The following ZEB1 variants were observed in gnomAD, a reference collection of about 807,000 sequenced individuals.
ZEB1 encodes the protein zinc finger E-box binding homeobox 1.
In ZEB1, 21 loss-of-function variants were observed where a neutral mutation model predicts 84.9. The ratio of observed to expected loss-of-function variants is 0.25; its 90% CI spans 0.18 to 0.36. The LOEUF is 0.36. Ranked by LOEUF, ZEB1 falls within the 10% of genes least tolerant of loss-of-function variation. The pLI is 1.00. For synonymous variants in ZEB1, 420 were observed against 471.1 expected (o/e 0.89, Z 1.41); for missense variants, 1,104 against 1,330.2 (o/e 0.83, Z 2.65).
intron 1 of ZEB1, among the ~76,000 whole-genome samples, chr10:31,397,912 T>G (rs950894514): frequency 6.6e-6 from 1 of 152,170 alleles, no homozygotes; most frequent in African/African-American, 2.4e-5. Flanking sequence ...TGGATAGATA[T>G]TATTTTTGAA....
intron 1 of ZEB1, among the ~76,000 whole-genome samples, chr10:31,408,535 A>G (rs2135698863): frequency 6.7e-6 from 1 of 149,868 alleles, no homozygotes; most frequent in Non-Finnish European, 1.5e-5. Context: ...TGGTACTGGT[A>G]CCAAAACAGA....
intron 2 of ZEB1, among the ~76,000 whole-genome samples, chr10:31,463,853 A>C (rs1470969120): frequency 6.6e-6 from 1 of 152,202 alleles, no homozygotes; most frequent in African/African-American, 2.4e-5. Context: ...AGTACTATAG[A>C]AGTCTCCCAA....
chr10:31,338,619 TTGATC>T (rs756381384), intron 1 of ZEB1, among the ~76,000 whole-genome samples: 3 of 152,192 alleles, frequency 2.0e-5, no homozygotes, highest in African/African-American at 7.2e-5. Flanking sequence ...TTCCCTTTGT[TTGATC>T]TGAGAATGTA....
At chr10:31,508,464 G>A (rs1170057327) in intron 4 of ZEB1, among the ~76,000 whole-genome samples, 3 of 152,166 alleles carry the variant, frequency 2.0e-5, no homozygotes, top group Non-Finnish European at 4.4e-5. Flanking sequence ...AGGCCTACCG[G>A]TGGTGCATGC....
intron 2 of ZEB1, among the ~76,000 whole-genome samples, chr10:31,492,550 A>C (rs1036549972): frequency 6.6e-6 from 1 of 151,828 alleles, no homozygotes; most frequent in Admixed American, 6.6e-5. Context: ...TGTGCATGGC[A>C]TGTGTGAATG....
chr10:31,442,373 A>G (rs536284613), intron 1 of ZEB1, among the ~76,000 whole-genome samples: 3 of 152,002 alleles, frequency 2.0e-5, no homozygotes, highest in Non-Finnish European at 4.4e-5. Context: ...ACACTTGGAC[A>G]CAGGGTGGGG....
rs146963250 is a variant in ZEB1, at chr10:31,330,610, T to A, written c.58+11318T>A. Among the ~76,000 whole-genome samples the A allele has an allele frequency of 2.1e-3, 326 of 152,252 alleles. 1 individual carries two copies. Among genetic ancestry groups the A allele is most frequent in the African/African-American group, 7.6e-3 (316 of 41,566 alleles). On this transcript the variant is annotated intron_variant, in intron 1 of 8. Transcript: ENST00000424869. ...GTTTAAACCTAACATTTATCTTGAG[T>A]TTTTAAGGGATGTAGTTTTCTCCTT...
chr10:31,449,313 G>C (rs554788915), intron 1 of ZEB1, among the ~76,000 whole-genome samples: 26 of 152,360 alleles, frequency 1.7e-4, no homozygotes, highest in African/African-American at 6.0e-4. Flanking sequence ...CCTACTGTCT[G>C]GCACTCCCTA....
At chr10:31,446,506 G>C (rs1176890543) in intron 1 of ZEB1, among the ~76,000 whole-genome samples, 1 of 149,402 alleles carries the variant, frequency 6.7e-6, no homozygotes, top group African/African-American at 2.5e-5. Context: ...TGTGATGTTA[G>C]GGTGTCAATT....
chr10:31,363,947 G>A (rs767018138), intron 1 of ZEB1: 559 of 1,297,722 alleles, frequency 4.3e-4, no homozygotes, highest in Non-Finnish European at 5.2e-4. Context: ...GGGTGAGCCC[G>A]GCCAGCTGGG....
At position 31,520,672 on chromosome 10, in the gene ZEB1, C is replaced by T. The variant is rs1592086172; in HGVS notation, c.1340C>T (p.Ala447Val). Residue 447 changes from alanine to valine, a missense_variant, in exon 7 of 9, where the codon GCT (alanine) becomes GTT (valine). Physicochemically the swap from Ala to Val is moderately conservative, Grantham distance 64. This residue lies in a region of ZEB1 where 531 missense variants were observed against 575.2 expected (regional missense o/e 0.92). Coordinates refer to ENST00000424869, the MANE Select transcript of ZEB1 (RefSeq NM_001174096.2). The surrounding 1 kb of genome is among the most constrained non-coding windows in gnomAD (Gnocchi z 5.1). The stretch of plus-strand genomic sequence containing the variant: ...TCCAAAGAACAAGAAACAATCAATG[C>T]TTCACCCATACAACAAGGTGGCCAT... The part of the protein sequence containing the change: ...LASKEQETIN[A>V]SPIQQGGHSV... 1 of 1,614,022 alleles carries T rather than the reference C, an allele frequency of 6.2e-7. No homozygotes were observed. Among genetic ancestry groups the T allele is most frequent in the Admixed American group, 1.7e-5 (1 of 60,002 alleles).
intron 1 of ZEB1, among the ~76,000 whole-genome samples, chr10:31,390,750 C>T (rs553701896): frequency 8.5e-5 from 13 of 152,282 alleles, no homozygotes; most frequent in African/African-American, 2.6e-4. Flanking sequence ...TACTTCGTTA[C>T]AAGTATTTAA....
At chr10:31,476,815 C>T (rs115517079) in intron 2 of ZEB1, among the ~76,000 whole-genome samples, 2,450 of 152,088 alleles carry the variant, frequency 0.016, 51 homozygotes, top group African/African-American at 0.055. Context: ...ACGATATGAT[C>T]ATGTCAATCA....
At chr10:31,500,481 T>TAAA (rs780074437) in intron 3 of ZEB1, among the ~76,000 whole-genome samples, 33 of 152,244 alleles carry the variant, frequency 2.2e-4, no homozygotes, top group Admixed American at 9.8e-4. Flanking sequence ...TACCCCCATT[T>TAAA]CAGTTGTGCT....
chr10:31,368,648 G>A (rs912002102), intron 1 of ZEB1, among the ~76,000 whole-genome samples: 1 of 152,090 alleles, frequency 6.6e-6, no homozygotes, highest in Non-Finnish European at 1.5e-5. Flanking sequence ...TGTAATTCAA[G>A]TAAAACTCGT....
chr10:31,481,126 T>G (rs1039273675), intron 2 of ZEB1, among the ~76,000 whole-genome samples: 5 of 152,000 alleles, frequency 3.3e-5, no homozygotes, highest in African/African-American at 1.2e-4. Flanking sequence ...ATATAACAAG[T>G]AAGTAAATAT....
At chr10:31,359,368 G>A (rs866312376) in intron 1 of ZEB1, among the ~76,000 whole-genome samples, 1 of 151,764 alleles carries the variant, frequency 6.6e-6, no homozygotes, top group South Asian at 2.1e-4. Context: ...TAGAGGTAAG[G>A]GCAGGGAAAG....
chr10:31,441,138 A>G (rs1360757243), intron 1 of ZEB1, among the ~76,000 whole-genome samples: 1 of 152,104 alleles, frequency 6.6e-6, no homozygotes, highest in African/African-American at 2.4e-5. Context: ...GAGGCATCAC[A>G]CTACCTGACT....
chr10:31,444,704 G>A lies in ZEB1; in HGVS notation c.59-16333G>A, dbSNP rs548307753. On this transcript the variant is annotated intron_variant, in intron 1 of 8. Transcript: ENST00000424869. ...CCCATTGCTTGTTTTTCTCAGGTTTGTCAAAGATCAGATAGTCGTAGGTAT... is the reference window on the plus strand; with the variant it reads ...CCCATTGCTTGTTTTTCTCAGGTTTATCAAAGATCAGATAGTCGTAGGTAT... Among the ~76,000 whole-genome samples, 11 of 152,180 alleles carry A rather than the reference G, an allele frequency of 7.2e-5. No individual in the cohort carries two copies. In the East Asian group the frequency reaches 1.9e-3, roughly 27 times the overall value.
Sources: gnomAD v4.1 joint callset for allele counts (sites outside exome capture counted in the v4.1 genomes callset) on GRCh38, gnomAD v4.1.1 for gene constraint, gnomAD v4.1.1 regional missense constraint, Gnocchi (gnomAD v3.1) non-coding constraint, MANE v1.5 for transcripts, NCBI Gene and HGNC (gene_info 2026-07-23, HGNC 2026-07-21) for gene names.